The following LRP2 variants were observed in gnomAD, a reference collection of about 807,000 sequenced individuals.
LRP2 encodes low-density lipoprotein receptor-related protein 2.
In LRP2, 172 loss-of-function variants were observed where a neutral mutation model predicts 531.0. The observed-to-expected ratio is 0.32, with a 90% CI of 0.29 to 0.37. The LOEUF is 0.37. Among genes scored for constraint, LRP2 ranks in the 10% least tolerant of loss-of-function variants. The probability of loss-of-function intolerance (pLI) is 1.00; values close to 1 mark genes in which losing one functional copy is unlikely to be tolerated. For synonymous variants in LRP2, 1,992 were observed against 2,027.6 expected, an observed-to-expected ratio of 0.98 and a Z score of 0.47; for missense variants, 5,167 against 5,868.3, an observed-to-expected ratio of 0.88 and a Z score of 3.90.
At chr2:169,335,043 G>A (rs1479848613) in intron 1 of LRP2, among the ~76,000 whole-genome samples, 4 of 152,184 alleles carry the variant, frequency 2.6e-5, no homozygotes, top group Non-Finnish European at 5.9e-5. Context: ...AGATGGTGGT[G>A]GTTGCCTCCA....
intron 13 of LRP2, among the ~76,000 whole-genome samples, chr2:169,276,263 C>T (rs965319001): frequency 3.9e-5 from 6 of 152,098 alleles, no homozygotes; most frequent in Admixed American, 6.6e-5. Flanking sequence ...GCTGGCAAAG[C>T]GAGAGGCAAT....
rs567192115 is a variant in LRP2 at position 169,235,025 on chromosome 2, C to T, written c.4920+815G>A. On this transcript the variant is annotated intron_variant, in intron 29 of 78. Coordinates refer to ENST00000649046, the MANE Select transcript of LRP2 (RefSeq NM_004525.3). ...CCCTGGGTTCAGGCAATCCTCCCAC[C>T]TCAGCCTCCCAAGTAGTTGGGACTA... Among the ~76,000 whole-genome samples, 9 of 151,318 alleles carry T rather than the reference C, an allele frequency of 5.9e-5. 1 individual carries two copies. The highest frequency in any genetic ancestry group is 2.2e-4 in the African/African-American group (9 of 41,230).
chr2:169,337,888 C>T (rs369737515), intron 1 of LRP2, among the ~76,000 whole-genome samples: 15 of 152,170 alleles, frequency 9.9e-5, no homozygotes, highest in Admixed American at 3.9e-4. Context: ...AGGAGGATCG[C>T]TTGAGCCCAG....
Position 169,294,149 on chromosome 2 carries a change from G to A in LRP2, c.651C>T (p.Cys217=), listed in dbSNP as rs1286743601. The A allele has an allele frequency of 1.2e-6, 2 of 1,601,218 alleles. No individual in the cohort carries two copies. The highest frequency in any genetic ancestry group is 1.1e-5 in the South Asian group (1 of 90,796). The stretch of plus-strand genomic sequence containing the variant: ...CCCAGCATAAAGAAATCACCGTACT[G>A]CAAGCATGTTCGTCACTGCCGTCTT... ...DCQDGSDEHA[C]NYPTCGGYQF... The change falls in exon 6 of 79, where the codon TGC becomes TGT. Residue 217 remains cysteine, a splice_region_variant and synonymous_variant. Transcript: ENST00000649046.
At position 169,307,401 on chromosome 2, in the gene LRP2, C is replaced by T. The variant is rs200205018; in HGVS notation, c.311-4G>A. 202 of 1,533,328 alleles carry T rather than the reference C, an allele frequency of 1.3e-4. 2 individuals carry two copies. The highest frequency in any genetic ancestry group is 9.7e-4 in the South Asian group (87 of 89,394). 95.0% of individuals were successfully genotyped at this position (1,533,328 alleles called of 1,614,324 possible). ...TGACTTGAGCATGTACTTTGTGCTG[C>T]GAAGAGAAAAAATTATTACTTAATT... On this transcript the variant is annotated splice_region_variant and splice_polypyrimidine_tract_variant and intron_variant, in intron 3 of 78. Transcript: ENST00000649046.
chr2:169,276,506 T>A (rs1415039863), intron 13 of LRP2, among the ~76,000 whole-genome samples: 1 of 152,176 alleles, frequency 6.6e-6, no homozygotes, highest in Non-Finnish European at 1.5e-5. Context: ...TAGCTAATTT[T>A]TTCATAAAAT....
intron 1 of LRP2, among the ~76,000 whole-genome samples, chr2:169,328,490 ATAAATAAAAAGATATGGTCC>A (rs1685183965): frequency 6.6e-6 from 1 of 150,838 alleles, no homozygotes; most frequent in Non-Finnish European, 1.5e-5. Context: ...AAATAAATAA[ATAAATAAAAAGATATGGTCC>A]TTTTTTGACA....
chr2:169,283,758 T>G (rs1488620476), intron 9 of LRP2, among the ~76,000 whole-genome samples: 1 of 152,186 alleles, frequency 6.6e-6, no homozygotes, highest in Non-Finnish European at 1.5e-5. Context: ...ATTTAGTAAG[T>G]GTTCATTGAA....
Position 169,275,066 on chromosome 2 carries a change from T to C in LRP2, c.1945A>G (p.Thr649Ala), listed in dbSNP as rs190128882. 7.4e-6 allele frequency: 12 copies of C among 1,613,626 alleles called. No individual in the cohort carries two copies. Among genetic ancestry groups the C allele is most frequent in the Non-Finnish European group, 1.0e-5 (12 of 1,179,750 alleles). ...YQASLRPYGV[T>A]VYHSLRQPYA... Reference sequence around the variant, plus strand: ...GGCTGTCTGAGGGAATGGTAAACAGTCACTCCATAGGGCCTCAGGGAAGCC... The same window carrying C: ...GGCTGTCTGAGGGAATGGTAAACAGCCACTCCATAGGGCCTCAGGGAAGCC... Residue 649 changes from threonine (T) to alanine (A), a missense_variant, in exon 14 of 79, where the codon ACT (threonine) becomes GCT (alanine). Transcript: ENST00000649046.
At chr2:169,192,360 C>T (rs74624142) in intron 47 of LRP2, among the ~76,000 whole-genome samples, 1,590 of 152,212 alleles carry the variant, frequency 0.01, 28 homozygotes, top group African/African-American at 0.036. Flanking sequence ...ATACCGAATG[C>T]CTTATATTTT....
intron 7 of LRP2, among the ~76,000 whole-genome samples, chr2:169,291,545 G>C (rs532173322): frequency 1.3e-5 from 2 of 152,298 alleles, no homozygotes; most frequent in East Asian, 1.9e-4. Flanking sequence ...CTTGCTGTAG[G>C]GTATGGGTAT....
chr2:169,221,665 C>A (rs943437057), intron 33 of LRP2, among the ~76,000 whole-genome samples: 1 of 152,172 alleles, frequency 6.6e-6, no homozygotes, highest in Non-Finnish European at 1.5e-5. Flanking sequence ...TGCGTGTGCA[C>A]GTGTGTGCAC....
Position 169,271,030 on chromosome 2 carries a change from C to T in LRP2, c.2194G>A (p.Val732Ile), listed in dbSNP as rs377597808. ...GGATTCCCCGAAACTGGAACCATGA[C>T]ATCTTCCTGGGTAGACAAGGTGAAC... is the stretch of plus-strand genomic sequence containing the variant. ...IPFTLSTQED[V>I]MVPVSGNPSF... The change falls in exon 16 of 79, where the codon GTC becomes ATC. Residue 732 changes from valine to isoleucine, a missense_variant. Coordinates refer to ENST00000649046, the MANE Select transcript of LRP2 (RefSeq NM_004525.3). 4 of 1,613,222 alleles carry T rather than the reference C, an allele frequency of 2.5e-6. No homozygotes were observed. The highest frequency in any genetic ancestry group is 3.4e-6 in the Non-Finnish European group (4 of 1,179,498).
At chr2:169,203,037 G>A in intron 42 of LRP2, 78 bp from the exon 43 acceptor site, 1 of 1,158,070 alleles carries the variant, frequency 8.6e-7, no homozygotes, top group Non-Finnish European at 1.3e-6. Context: ...AATAGCACTT[G>A]CAACAGCTTC....
chr2:169,361,350 G>GTC (rs1216824209), intron 1 of LRP2, among the ~76,000 whole-genome samples: 2,946 of 21,750 alleles, frequency 0.14, 63 homozygotes, highest in East Asian at 0.21. Flanking sequence ...GTCTCTCTCT[G>GTC]TCTCTCTCTC....
chr2:169,225,528 G>T, intron 32 of LRP2, 75 bp from the exon 33 acceptor site: 1 of 1,509,474 alleles, frequency 6.6e-7, no homozygotes, highest in South Asian at 1.1e-5. Context: ...CTTCACTGTG[G>T]CTACTGCCAG....
At chr2:169,296,309 ATT>A (rs1426507825) in intron 4 of LRP2, among the ~76,000 whole-genome samples, 2 of 151,964 alleles carry the variant, frequency 1.3e-5, no homozygotes, top group Non-Finnish European at 2.9e-5. Context: ...AAAATTTAAA[ATT>A]TTTTCTGAAT....
rs779864614 is a variant in LRP2 at position 169,238,286 on chromosome 2, C to T, written c.4311G>A (p.Leu1437=). 3.7e-6 allele frequency: 6 copies of T among 1,613,874 alleles called. No homozygotes were observed. In the South Asian group the frequency reaches 5.5e-5, roughly 15 times the overall value. The part of the protein sequence containing the change: ...TCKVTASESL[L]LLVASQNKII... ...TTTTGTTCTGACTTGCCACAAGTAA[C>T]AGCAGACTCTCAGATGCTGTTCAAG... is the stretch of plus-strand genomic sequence containing the variant. The change falls in exon 27 of 79, where the codon CTG becomes CTA. Residue 1437 remains leucine (L), a synonymous_variant. Transcript: ENST00000649046.
At chr2:169,165,709 T>C (rs1046061286) in intron 62 of LRP2, among the ~76,000 whole-genome samples, 8 of 152,224 alleles carry the variant, frequency 5.3e-5, no homozygotes, top group Non-Finnish European at 1.5e-5. Context: ...GAAAAATTAA[T>C]GGATTTGCCA....
Sources: gnomAD v4.1 joint callset for allele counts (sites outside exome capture counted in the v4.1 genomes callset) on GRCh38, gnomAD v4.1.1 for gene constraint, MANE v1.5 for transcripts, NCBI Gene and HGNC (gene_info 2026-07-23, HGNC 2026-07-21) for gene names.